The following TMEM163 variants were observed in gnomAD, a reference collection of about 807,000 sequenced individuals.
TMEM163 encodes the protein transmembrane protein 163.
TMEM163 carries 17 observed loss-of-function variants against 29.3 expected under a neutral mutation model. That is an observed-to-expected ratio of 0.58 (90% confidence interval 0.40 to 0.87). The LOEUF is 0.87. Ranked by LOEUF, TMEM163 falls within the 40% of genes least tolerant of loss-of-function variation. The probability of loss-of-function intolerance (pLI) is 0.00; values close to 1 mark genes in which losing one functional copy is unlikely to be tolerated. For missense variants in TMEM163, 303 were observed against 381.5 expected (o/e 0.79, Z 1.71); for synonymous variants, 157 against 160.6 (o/e 0.98, Z 0.17).
chr2:134,658,609 A>T (rs868450073), intron 2 of TMEM163, among the ~76,000 whole-genome samples: 33 of 151,488 alleles, frequency 2.2e-4, no homozygotes, highest in South Asian at 1.3e-3. Flanking sequence ...ATATATATAT[A>T]TTTTTTGAGA....
intron 2 of TMEM163, among the ~76,000 whole-genome samples, chr2:134,615,040 CAT>C (rs1682579422): frequency 6.6e-6 from 1 of 152,014 alleles, no homozygotes; most frequent in African/African-American, 2.4e-5. Flanking sequence ...AAAACATTAA[CAT>C]AGACACACAC....
intron 4 of TMEM163, among the ~76,000 whole-genome samples, chr2:134,505,373 G>C (rs1240890690): frequency 1.3e-5 from 2 of 151,520 alleles, no homozygotes; most frequent in Admixed American, 1.3e-4. Context: ...ACACAGGATT[G>C]AGAATGTCCG....
intron 4 of TMEM163, among the ~76,000 whole-genome samples, chr2:134,514,364 C>T (rs1680009926): frequency 6.8e-6 from 1 of 146,032 alleles, no homozygotes; most frequent in South Asian, 2.2e-4. Flanking sequence ...ACATAAAATA[C>T]ACTAACGATA....
intron 5 of TMEM163, among the ~76,000 whole-genome samples, chr2:134,499,118 C>T (rs533779336): frequency 6.6e-6 from 1 of 152,254 alleles, no homozygotes; most frequent in East Asian, 1.9e-4. Flanking sequence ...TTAATATACG[C>T]ATCACTGTGG....
chr2:134,669,464 T>C (rs967427215), intron 2 of TMEM163, among the ~76,000 whole-genome samples: 1 of 152,188 alleles, frequency 6.6e-6, no homozygotes, highest in Non-Finnish European at 1.5e-5. Context: ...ACACCCTCAT[T>C]CCAAAGCTCA....
intron 2 of TMEM163, among the ~76,000 whole-genome samples, chr2:134,566,062 A>G (rs1359059525): frequency 2.0e-5 from 3 of 152,212 alleles, no homozygotes; most frequent in African/African-American, 4.8e-5. Context: ...ATTTTCATCA[A>G]TGATGCTTCT....
chr2:134,556,925 A>C (rs532319750), intron 2 of TMEM163, among the ~76,000 whole-genome samples: 41 of 152,366 alleles, frequency 2.7e-4, no homozygotes, highest in African/African-American at 9.1e-4. Flanking sequence ...TGGGTTCTGC[A>C]TTGGGTGCCA....
chr2:134,642,905 T>G (rs1297076291), intron 2 of TMEM163, among the ~76,000 whole-genome samples: 1 of 151,986 alleles, frequency 6.6e-6, no homozygotes, highest in Non-Finnish European at 1.5e-5. Context: ...CTTATCTTTT[T>G]AAAGAAGGTA....
chr2:134,494,850 C>T (rs1679511955), intron 5 of TMEM163, among the ~76,000 whole-genome samples: 1 of 152,222 alleles, frequency 6.6e-6, no homozygotes, highest in Admixed American at 6.5e-5. Context: ...CAGGCACTCA[C>T]TGGTGCCAAG....
At chr2:134,697,379 C>A (rs938815039) in intron 2 of TMEM163, among the ~76,000 whole-genome samples, 14 of 152,086 alleles carry the variant, frequency 9.2e-5, no homozygotes, top group Admixed American at 5.9e-4. Flanking sequence ...CAGCAATTCC[C>A]AGCCTGGTTG....
chr2:134,516,678 C>CATATAGTCAATATATATGCATATATTCAT (rs139754930), intron 4 of TMEM163, among the ~76,000 whole-genome samples: 1 of 137,548 alleles, frequency 7.3e-6, no homozygotes, highest in African/African-American at 2.7e-5. Context: ...TATAGTCATA[C>CATATAGTCAATATATATGCATATATTCAT]ATATATGCAT....
chr2:134,534,683 A>T (rs1574215404), intron 4 of TMEM163, among the ~76,000 whole-genome samples: 1 of 151,964 alleles, frequency 6.6e-6, no homozygotes, highest in Admixed American at 6.6e-5. Flanking sequence ...GAACCCGGGA[A>T]GTGGAGGTTG....
At chr2:134,713,403 T>G in intron 1 of TMEM163, 84 bp from the exon 2 acceptor site, 1 of 1,585,920 alleles carries the variant, frequency 6.3e-7, no homozygotes, top group South Asian at 1.1e-5. Context: ...TACCCAAAGA[T>G]TGCAAACTAA....
intron 2 of TMEM163, among the ~76,000 whole-genome samples, chr2:134,615,090 A>T (rs1682580829): frequency 6.6e-6 from 1 of 152,162 alleles, no homozygotes; most frequent in African/African-American, 2.4e-5. Flanking sequence ...TGCATGTACT[A>T]AAGGTCTTCA....
At chr2:134,598,683 G>A (rs758783074) in intron 2 of TMEM163, among the ~76,000 whole-genome samples, 14 of 152,156 alleles carry the variant, frequency 9.2e-5, no homozygotes, top group Non-Finnish European at 1.6e-4. Context: ...GGAGGCCAAG[G>A]TGGGCGGAGA....
chr2:134,510,962 C>T (rs761228827), intron 4 of TMEM163, among the ~76,000 whole-genome samples: 6 of 152,166 alleles, frequency 3.9e-5, no homozygotes, highest in South Asian at 2.1e-4. Flanking sequence ...GGAATGCATG[C>T]GGAGACTCGT....
At chr2:134,648,472 G>A (rs1311276822) in intron 2 of TMEM163, among the ~76,000 whole-genome samples, 4 of 152,120 alleles carry the variant, frequency 2.6e-5, no homozygotes, top group African/African-American at 9.7e-5. Flanking sequence ...GTGGGCCACA[G>A]TTCCAGGCTT....
At chr2:134,705,321 T>A (rs1684786111) in intron 2 of TMEM163, among the ~76,000 whole-genome samples, 1 of 152,036 alleles carries the variant, frequency 6.6e-6, no homozygotes, top group Non-Finnish European at 1.5e-5. Flanking sequence ...GTGAGGTCAT[T>A]AAGGTGGGCC....
At chr2:134,689,343 G>A (rs1324026467) in intron 2 of TMEM163, among the ~76,000 whole-genome samples, 1 of 152,068 alleles carries the variant, frequency 6.6e-6, no homozygotes, top group Non-Finnish European at 1.5e-5. Flanking sequence ...CCTGACCTCA[G>A]GTGATCTGCC....
Sources: gnomAD v4.1 joint callset for allele counts (sites outside exome capture counted in the v4.1 genomes callset) on GRCh38, gnomAD v4.1.1 for gene constraint, MANE v1.5 for transcripts, NCBI Gene and HGNC (gene_info 2026-07-23, HGNC 2026-07-21) for gene names.